The following JAG1 variants were observed in gnomAD, a reference collection of about 807,000 sequenced individuals.
JAG1 encodes the protein protein jagged-1.
JAG1 carries 23 observed loss-of-function variants against 148.7 expected under a neutral mutation model. The ratio of observed to expected loss-of-function variants is 0.15; its 90% CI spans 0.11 to 0.22. The LOEUF (loss-of-function observed/expected upper bound fraction) is 0.22, where lower values mean the gene tolerates loss of function less well. Among genes scored for constraint, JAG1 ranks in the 10% least tolerant of loss-of-function variants. JAG1 has a pLI of 1.00. For synonymous variants in JAG1, 572 were observed against 598.3 expected (o/e 0.96, Z 0.64); for missense variants, 1,054 against 1,611.2 (o/e 0.65, Z 5.92).
intron 14 of JAG1, among the ~76,000 whole-genome samples, chr20:10,646,580 C>CGGGGGGGG (rs1027421320): frequency 6.6e-6 from 1 of 150,558 alleles, no homozygotes; most frequent in Non-Finnish European, 1.5e-5. Flanking sequence ...AGTTGGGGGT[C>CGGGGGGGG]GGGGGGTGGA....
chr20:10,663,929 T>C (rs755578440), intron 3 of JAG1, 34 bp downstream of exon 3: 25 of 1,586,892 alleles, frequency 1.6e-5, no homozygotes, highest in Non-Finnish European at 2.1e-5. Context: ...CTTCCACGTG[T>C]GTTTAGAGAA....
Position 10,656,429 on chromosome 20 carries a change from G to A in JAG1, c.724C>T (p.His242Tyr). Residue 242 changes from histidine (H) to tyrosine (Y), a missense_variant, in exon 5 of 26, where the codon CAT (histidine) becomes TAT (tyrosine). Physicochemically the swap from His to Tyr is moderately conservative, Grantham distance 83. This residue lies in a region of JAG1 where 104 missense variants were observed against 235.2 expected (regional missense o/e 0.44). Coordinates refer to ENST00000254958, the MANE Select transcript of JAG1 (RefSeq NM_000214.3). Reference sequence around the variant, plus strand: ...TCACCTGGGAGTTTGCAAGACCCATGCTTAGGACTGCAGCCTTGTCGGCAA... The same window carrying A: ...TCACCTGGGAGTTTGCAAGACCCATACTTAGGACTGCAGCCTTGTCGGCAA... ...AICRQGCSPK[H>Y]GSCKLPGDCR... is the part of the protein sequence containing the mutation. 5.0e-6 allele frequency: 8 copies of A among 1,613,976 alleles called. No homozygotes were observed. The highest frequency in any genetic ancestry group is 6.8e-6 in the Non-Finnish European group (8 of 1,179,866).
intron 20 of JAG1, among the ~76,000 whole-genome samples, chr20:10,643,255 T>C (rs1326540051): frequency 6.6e-6 from 1 of 152,210 alleles, no homozygotes; most frequent in African/African-American, 2.4e-5. Context: ...AGAAAGGGCT[T>C]GTAAAAAAGT....
chr20:10,641,728 A>G (rs2067273808), intron 22 of JAG1, 35 bp from the exon 23 acceptor site: 4 of 1,610,916 alleles, frequency 2.5e-6, no homozygotes, highest in Admixed American at 3.3e-5. Flanking sequence ...CTTAGCAGGC[A>G]TGCTCATCCC....
chr20:10,666,464 C>T (rs944443727), intron 2 of JAG1, among the ~76,000 whole-genome samples: 2 of 152,128 alleles, frequency 1.3e-5, no homozygotes, highest in African/African-American at 4.8e-5. Context: ...CCAGTAGAGG[C>T]GGAGTCCTCC....
intron 2 of JAG1, among the ~76,000 whole-genome samples, chr20:10,664,602 G>T (rs1054675401): frequency 2.6e-5 from 4 of 152,242 alleles, no homozygotes; most frequent in Admixed American, 6.5e-5. Context: ...GAAACAGGAG[G>T]GGGTAGATGC....
chr20:10,639,489 C>T lies in JAG1; in HGVS notation c.*9G>A, dbSNP rs372620326. On this transcript the variant is annotated 3_prime_UTR_variant, in exon 26 of 26. Transcript: ENST00000254958. ...GACTCTACCTAGCGGCGGCAGTGCCCGCGGTCTGCTATACGATGTACTCCA... is the reference window on the plus strand; with the variant it reads ...GACTCTACCTAGCGGCGGCAGTGCCTGCGGTCTGCTATACGATGTACTCCA... The T allele has an allele frequency of 2.9e-5, 46 of 1,613,016 alleles. No individual in the cohort carries two copies. Among genetic ancestry groups the T allele is most frequent in the South Asian group, 2.0e-4 (18 of 91,042 alleles).
In JAG1 at chr20:10,673,634, C is replaced by A; in HGVS notation, c.-104G>T. On this transcript the variant is annotated 5_prime_UTR_variant, in exon 1 of 26. Coordinates refer to ENST00000254958, the MANE Select transcript of JAG1 (RefSeq NM_000214.3). The surrounding 1 kb of genome is among the most constrained non-coding windows in gnomAD (Gnocchi z 4.7). ...CGCTGCCCCTGCGGCCGCCGCGTCCCGGCTCTAATATACTCCGCCGATTGG... is the reference window on the plus strand; with the variant it reads ...CGCTGCCCCTGCGGCCGCCGCGTCCAGGCTCTAATATACTCCGCCGATTGG... The A allele has an allele frequency of 6.6e-6, 3 of 456,330 alleles. No individual in the cohort carries two copies. The highest frequency in any genetic ancestry group is 1.0e-4 in the South Asian group (1 of 9,902). The allele number at this position is 456,330 out of a possible 1,614,324, so 28.3% of individuals were successfully genotyped here.
intron 2 of JAG1, among the ~76,000 whole-genome samples, chr20:10,665,777 A>G (rs904465403): frequency 1.3e-5 from 2 of 152,204 alleles, no homozygotes; most frequent in Non-Finnish European, 2.9e-5. Flanking sequence ...CTAAACACAT[A>G]ATACCCACAA....
At position 10,645,850 on chromosome 20, in the gene JAG1, G is replaced by T; in HGVS notation, c.1999+121C>A. 1.3e-6 allele frequency: 1 copy of T among 790,592 alleles called. No individual in the cohort carries two copies. The allele number at this position is 790,592 out of a possible 1,614,324, so 49.0% of individuals were successfully genotyped here. On this transcript the variant is annotated intron_variant, in intron 15 of 25. Coordinates refer to ENST00000254958, the MANE Select transcript of JAG1 (RefSeq NM_000214.3). The surrounding 1 kb of genome is among the most constrained non-coding windows in gnomAD (Gnocchi z 6.1). ...ACACAAGTGATACTGTCCCAGTGCA[G>T]AAATCACTGCGGTCTTGCTTCCAGA...
chr20:10,645,007 C>CCT lies in JAG1; in HGVS notation c.2228-30_2228-29dup. 6.3e-7 allele frequency: 1 copy of CCT among 1,578,888 alleles called. No individual in the cohort carries two copies. Among genetic ancestry groups the CCT allele is most frequent in the Non-Finnish European group, 8.7e-7 (1 of 1,148,004 alleles). On this transcript the variant is annotated intron_variant, in intron 17 of 25. Transcript: ENST00000254958. The surrounding 1 kb of genome is among the most constrained non-coding windows in gnomAD (Gnocchi z 6.1). Reference sequence around the variant, plus strand: ...ATAAAAGAAGAGCAGACACGACCACCCTCCCTGAGTATCCAGAAACAGTCT... The same window carrying CCT: ...ATAAAAGAAGAGCAGACACGACCACCCTCTCCCTGAGTATCCAGAAACAGTCT...
At chr20:10,650,421 C>A in intron 8 of JAG1, 61 bp from the exon 9 acceptor site, 1 of 922,202 alleles carries the variant, frequency 1.1e-6, no homozygotes, top group Non-Finnish European at 1.8e-6. Context: ...CAATTAGATC[C>A]TTTAACATCA....
chr20:10,642,135 C>T (rs1313098339), intron 21 of JAG1, among the ~76,000 whole-genome samples: 2 of 152,180 alleles, frequency 1.3e-5, no homozygotes, highest in African/African-American at 4.8e-5. Flanking sequence ...GCCTCTTGCA[C>T]ACCTACCCAC....
chr20:10,651,794 G>T, intron 7 of JAG1, 100 bp from the exon 8 acceptor site: 1 of 785,836 alleles, frequency 1.3e-6, no homozygotes, highest in South Asian at 1.4e-5. Context: ...ACTAGTGCAA[G>T]CATATTTCAA....
intron 8 of JAG1, 116 bp from the exon 9 acceptor site, chr20:10,650,476 C>T: frequency 5.6e-6 from 4 of 710,810 alleles, no homozygotes; most frequent in South Asian, 1.5e-5. Context: ...ACACCTGCTA[C>T]AAGGAAAGCT....
chr20:10,669,547 C>CAA (rs56122797), intron 2 of JAG1, among the ~76,000 whole-genome samples: 605 of 44,166 alleles, frequency 0.014, 177 homozygotes, highest in Middle Eastern at 0.024. Context: ...TTGGATTTTC[C>CAA]AAAAAAAAAA....
At chr20:10,667,805 T>C (rs988326174) in intron 2 of JAG1, among the ~76,000 whole-genome samples, 1 of 152,142 alleles carries the variant, frequency 6.6e-6, no homozygotes, top group Non-Finnish European at 1.5e-5. Context: ...CCTTACCTGT[T>C]TGAAAAGCAT....
chr20:10,663,885 A>T (rs2067433714), intron 3 of JAG1, 78 bp downstream of exon 3: 4 of 1,105,766 alleles, frequency 3.6e-6, no homozygotes, highest in Non-Finnish European at 5.6e-6. Context: ...CTAAGGAGAC[A>T]GATCCAGCTC....
chr20:10,646,689 G>A (rs958612245), intron 14 of JAG1, among the ~76,000 whole-genome samples: 38 of 152,122 alleles, frequency 2.5e-4, no homozygotes, highest in African/African-American at 9.1e-4. Context: ...GGCGTGGTGC[G>A]CATGCCTGTA....
Sources: gnomAD v4.1 joint callset for allele counts (sites outside exome capture counted in the v4.1 genomes callset) on GRCh38, gnomAD v4.1.1 for gene constraint, gnomAD v4.1.1 regional missense constraint, Gnocchi (gnomAD v3.1) non-coding constraint, MANE v1.5 for transcripts, NCBI Gene and HGNC (gene_info 2026-07-23, HGNC 2026-07-21) for gene names.